The following SULT1B1 variants were observed in gnomAD, a reference collection of about 807,000 sequenced individuals.
SULT1B1 encodes the protein sulfotransferase 1B1.
SULT1B1 carries 28 observed loss-of-function variants against 34.6 expected under a neutral mutation model. That is an observed-to-expected ratio of 0.81 (90% confidence interval 0.60 to 1.11). The LOEUF is 1.11. SULT1B1 is among the 50% of genes least tolerant of loss of function. The pLI is 0.00. For synonymous variants in SULT1B1, 147 were observed against 110.2 expected (o/e 1.33, Z -2.09); for missense variants, 374 against 352.2 (o/e 1.06, Z -0.50).
chr4:69,754,857 G>T (rs1719128696), intron 2 of SULT1B1, 59 bp from the exon 3 acceptor site: 2 of 1,555,298 alleles, frequency 1.3e-6, no homozygotes, highest in Admixed American at 1.8e-5. Context: ...AGAGGGAGAA[G>T]AATTTATTGG....
Position 69,725,106 on chromosome 4 carries a change from T to G in SULT1B1, c.*1982A>C, listed in dbSNP as rs1717787352. On this transcript the variant is annotated 3_prime_UTR_variant, in exon 8 of 8. Coordinates refer to ENST00000310613, the MANE Select transcript of SULT1B1 (RefSeq NM_014465.4). ...GGCAACCTACAGAATGGGAGAAAAT[T>G]TTTGCAATCTACTCATCTGACAAAG... 6.6e-6 allele frequency: 1 copy of G among 151,640 alleles called. No homozygotes were observed. The highest frequency in any genetic ancestry group is 6.6e-5 in the Admixed American group (1 of 15,230). 9.4% of individuals were successfully genotyped at this position (151,640 alleles called of 1,614,324 possible). A position where few individuals can be genotyped will look rare whatever the true frequency, so the allele number is the denominator to read the frequency against.
chr4:69,733,394 T>A lies in SULT1B1; in HGVS notation c.597+19A>T, dbSNP rs747623899. Reference sequence around the variant, plus strand: ...GATGCAGTGGGGAAATTATCCAGAATCCATATCTACCATTTTACCTCTTTC... The same window carrying A: ...GATGCAGTGGGGAAATTATCCAGAAACCATATCTACCATTTTACCTCTTTC... On this transcript the variant is annotated intron_variant, in intron 6 of 7. Coordinates refer to ENST00000310613, the MANE Select transcript of SULT1B1 (RefSeq NM_014465.4). The A allele has an allele frequency of 6.5e-7, 1 of 1,541,412 alleles. No homozygotes were observed. The highest frequency in any genetic ancestry group is 8.9e-7 in the Non-Finnish European group (1 of 1,129,454).
rs143490828 is a variant in SULT1B1, at chr4:69,755,140, G to T, written c.78C>A (p.Ser26Arg). 247 of 1,613,840 alleles carry T rather than the reference G, an allele frequency of 1.5e-4. No individual in the cohort carries two copies. The highest frequency in any genetic ancestry group is 1.9e-4 in the Non-Finnish European group (223 of 1,179,850). Residue 26 changes from serine to arginine, a missense_variant, in exon 2 of 8, where the codon AGC (serine) becomes AGA (arginine). By Grantham distance (110) the Ser-to-Arg change is moderately radical. Transcript: ENST00000310613. ...HGYPMTCAFA[S>R]NWEKIEQFHS... ...GGAACTGTTCAATTTTTTCCCAGTTGCTTGCAAAAGCACAGGTCATGGGAT... is the reference window on the plus strand; with the variant it reads ...GGAACTGTTCAATTTTTTCCCAGTTTCTTGCAAAAGCACAGGTCATGGGAT...
intron 3 of SULT1B1, among the ~76,000 whole-genome samples, chr4:69,754,210 T>C (rs1560531334): frequency 2.6e-5 from 4 of 152,192 alleles, no homozygotes; most frequent in East Asian, 1.9e-4. Context: ...TGATACAATA[T>C]ACAATTTCTA....
rs1424224141 is a variant in SULT1B1 at position 69,727,062 on chromosome 4, T to G, written c.*26A>C. On this transcript the variant is annotated 3_prime_UTR_variant, in exon 8 of 8. Transcript: ENST00000310613. ...CAATCAACTACAGACAATCTCTTAT[T>G]TCTTCAGATGTGTGATTTAGACACT... The G allele has an allele frequency of 9.7e-6, 15 of 1,543,118 alleles. No individual in the cohort carries two copies. Among genetic ancestry groups the G allele is most frequent in the Middle Eastern group, 1.7e-4 (1 of 5,778 alleles).
intron 4 of SULT1B1, among the ~76,000 whole-genome samples, chr4:69,741,251 T>C (rs969219443): frequency 6.6e-6 from 1 of 152,356 alleles, no homozygotes; most frequent in South Asian, 2.1e-4. Flanking sequence ...TATATGTGTC[T>C]GTTTTTGTAC....
Position 69,754,745 on chromosome 4 carries a change from C to A in SULT1B1, c.202G>T (p.Glu68Ter). 1 of 1,613,128 alleles carries A rather than the reference C, an allele frequency of 6.2e-7. No homozygotes were observed. The highest frequency in any genetic ancestry group is 1.1e-5 in the South Asian group (1 of 91,040). The stretch of plus-strand genomic sequence containing the variant: ...GTAATAAAACCTCGCTTACATTTTT[C>A]AATATCTCCATCATTTAGAATCATG... Reference protein sequence around the residue: ...IDMILNDGDIEKCKRGFITEK... With the variant: ...IDMILNDGDI The change falls in exon 3 of 8, where the codon GAA (glutamate) becomes TAA (stop). Residue 68 changes from glutamate to a stop codon, truncating the protein, a stop_gained. Transcript: ENST00000310613. LOFTEE classifies it high-confidence loss of function.
At chr4:69,732,127 GTT>G (rs759964825) in intron 6 of SULT1B1, among the ~76,000 whole-genome samples, 5 of 152,184 alleles carry the variant, frequency 3.3e-5, no homozygotes, top group Non-Finnish European at 5.9e-5. Context: ...TGTTACAGTA[GTT>G]TCATAAACCA....
chr4:69,725,948 C>G lies in SULT1B1; in HGVS notation c.*1140G>C, dbSNP rs960632267. 5 of 147,710 alleles carry G rather than the reference C, an allele frequency of 3.4e-5. No homozygotes were observed. Among genetic ancestry groups the G allele is most frequent in the Non-Finnish European group, 7.5e-5 (5 of 67,070 alleles). The allele number at this position is 147,710 out of a possible 1,614,324, so 9.1% of individuals were successfully genotyped here. On this transcript the variant is annotated 3_prime_UTR_variant, in exon 8 of 8. Coordinates refer to ENST00000310613, the MANE Select transcript of SULT1B1 (RefSeq NM_014465.4). ...ATGACGAGTTAATGGATGCAGCACA[C>G]CAACATGGCACATGTATGCATATAT...
At chr4:69,730,200 T>C (rs899251901) in intron 7 of SULT1B1, among the ~76,000 whole-genome samples, 1 of 152,132 alleles carries the variant, frequency 6.6e-6, no homozygotes, top group African/African-American at 2.4e-5. Flanking sequence ...AGACAAAGAT[T>C]GAAGGGAGTA....
At position 69,755,827 on chromosome 4, in the gene SULT1B1, G is replaced by A. The variant is rs146483840; in HGVS notation, c.-44-566C>T. The stretch of plus-strand genomic sequence containing the variant: ...GAGCTTCTTGAAATTGTGAGTTTAC[G>A]GTTTCCATCAAATTTGGATAATTTT... On this transcript the variant is annotated intron_variant, in intron 1 of 7. Transcript: ENST00000310613. Among the ~76,000 whole-genome samples, 739 of 152,046 alleles carry A rather than the reference G, an allele frequency of 4.9e-3. 2 individuals carry two copies. Among genetic ancestry groups the A allele is most frequent in the South Asian group, 0.013 (64 of 4,824 alleles).
chr4:69,750,268 A>G (rs1718928859), intron 3 of SULT1B1, among the ~76,000 whole-genome samples: 1 of 152,200 alleles, frequency 6.6e-6, no homozygotes. Context: ...TGTAGCATAG[A>G]TGATGTTAAC....
At chr4:69,745,121 A>G (rs1449625840) in intron 4 of SULT1B1, among the ~76,000 whole-genome samples, 1 of 151,994 alleles carries the variant, frequency 6.6e-6, no homozygotes, top group Non-Finnish European at 1.5e-5. Context: ...GTTTTCTTGT[A>G]TTTATTGAGA....
At chr4:69,759,594 C>A (rs1719319920) in intron 1 of SULT1B1, among the ~76,000 whole-genome samples, 1 of 152,076 alleles carries the variant, frequency 6.6e-6, no homozygotes, top group African/African-American at 2.4e-5. Flanking sequence ...TCGTCATGAC[C>A]AGTGGATAAA....
At chr4:69,750,468 ACTT>A (rs905373194) in intron 3 of SULT1B1, among the ~76,000 whole-genome samples, 23 of 152,292 alleles carry the variant, frequency 1.5e-4, no homozygotes, top group African/African-American at 5.1e-4. Flanking sequence ...TGATACATAA[ACTT>A]CTTATGCATT....
Position 69,755,061 on chromosome 4 carries a change from A to G in SULT1B1, c.148+9T>C, listed in dbSNP as rs1307969197. ...GTCGGACTTGAATTTGTCAGGCCAC[A>G]GAACTCACCTGATTTAGGATAAGTG... On this transcript the variant is annotated intron_variant, in intron 2 of 7. Transcript: ENST00000310613. 1 of 1,604,560 alleles carries G rather than the reference A, an allele frequency of 6.2e-7. No individual in the cohort carries two copies.
Position 69,749,815 on chromosome 4 carries a change from A to G in SULT1B1, c.281T>C (p.Ile94Thr), listed in dbSNP as rs1718909563. 1 of 1,611,418 alleles carries G rather than the reference A, an allele frequency of 6.2e-7. No homozygotes were observed. Among genetic ancestry groups the G allele is most frequent in the African/African-American group, 1.3e-5 (1 of 74,860 alleles). Reference protein sequence around the residue: ...MTLPGLRTSGIEQLEKNPSPR... With the variant: ...MTLPGLRTSGTEQLEKNPSPR... Reference sequence around the variant, plus strand: ...TGATGGATTCTTCTCCAATTGTTCTATACCTGAGAAATTTAGTTAAGTATA... The same window carrying G: ...TGATGGATTCTTCTCCAATTGTTCTGTACCTGAGAAATTTAGTTAAGTATA... Residue 94 changes from isoleucine (I) to threonine (T), a missense_variant, in exon 4 of 8, where the codon ATA becomes ACA. By Grantham distance (89) the Ile-to-Thr change is moderately conservative (BLOSUM62 -1). Coordinates refer to ENST00000310613, the MANE Select transcript of SULT1B1 (RefSeq NM_014465.4).
chr4:69,745,626 T>A (rs1213501637), intron 4 of SULT1B1, among the ~76,000 whole-genome samples: 1 of 152,182 alleles, frequency 6.6e-6, no homozygotes. Context: ...CTCTTGAAGT[T>A]TGAAGGCAGC....
chr4:69,737,417 G>A (rs1486576950), intron 4 of SULT1B1, among the ~76,000 whole-genome samples: 2 of 152,116 alleles, frequency 1.3e-5, no homozygotes, highest in Admixed American at 1.3e-4. Context: ...AAGAAAAAGA[G>A]AATGGGTAAA....
Sources: allele counts gnomAD v4.1 joint callset (sites outside exome capture counted in the v4.1 genomes callset), GRCh38; gene constraint gnomAD v4.1.1; transcripts MANE v1.5; gene names NCBI Gene and HGNC (gene_info 2026-07-23, HGNC 2026-07-21).